Variants in IRAG1 observed in about 807,000 individuals in gnomAD.
IRAG1 encodes the protein inositol 1,4,5-triphosphate receptor associated 1, also known as IP3R-associated cGMP kinase substrate.
In IRAG1, 62 loss-of-function variants were observed where a neutral mutation model predicts 106.2. The ratio of observed to expected loss-of-function variants is 0.58; its 90% CI spans 0.48 to 0.72. The LOEUF is 0.72. Among genes scored for constraint, IRAG1 ranks in the 30% least tolerant of loss-of-function variants. The probability of loss-of-function intolerance (pLI) is 0.00; values close to 1 mark genes in which losing one functional copy is unlikely to be tolerated. For synonymous variants in IRAG1, 462 were observed against 443.9 expected (o/e 1.04, Z -0.51); for missense variants, 1,064 against 1,140.7 (o/e 0.93, Z 0.97).
intron 15 of IRAG1, among the ~76,000 whole-genome samples, chr11:10,600,171 T>G (rs2134300047): frequency 6.6e-6 from 1 of 152,326 alleles, no homozygotes; most frequent in Admixed American, 6.5e-5. Flanking sequence ...CAAGATACCA[T>G]CCCTCTTTGA....
intron 12 of IRAG1, among the ~76,000 whole-genome samples, chr11:10,605,617 T>A (rs1024358522): frequency 2.8e-4 from 42 of 152,174 alleles, no homozygotes; most frequent in African/African-American, 9.9e-4. Context: ...GAGCCAGGAT[T>A]TAACCTCAGA....
At chr11:10,686,365 C>T (rs1359401033) in intron 1 of IRAG1, among the ~76,000 whole-genome samples, 2 of 152,200 alleles carry the variant, frequency 1.3e-5, no homozygotes, top group African/African-American at 2.4e-5. Context: ...TGACTCAAGA[C>T]ACACAATGTA....
chr11:10,643,572 T>C (rs959825108), intron 2 of IRAG1, among the ~76,000 whole-genome samples: 4 of 152,220 alleles, frequency 2.6e-5, no homozygotes, highest in African/African-American at 9.6e-5. Flanking sequence ...CAGCTAGTCG[T>C]TCATCCGTCA....
chr11:10,645,130 C>T (rs1251562338), intron 2 of IRAG1, among the ~76,000 whole-genome samples: 2 of 152,116 alleles, frequency 1.3e-5, no homozygotes, highest in Non-Finnish European at 2.9e-5. Flanking sequence ...GCTCAATAAA[C>T]ATTTATTGAG....
At chr11:10,670,152 C>G (rs1255483058) in intron 1 of IRAG1, among the ~76,000 whole-genome samples, 2 of 152,216 alleles carry the variant, frequency 1.3e-5, no homozygotes, top group Non-Finnish European at 2.9e-5. Context: ...AAAACTAACC[C>G]TTAGTCCAAC....
intron 15 of IRAG1, among the ~76,000 whole-genome samples, chr11:10,596,964 A>T (rs1228602222): frequency 6.6e-6 from 1 of 152,212 alleles, no homozygotes; most frequent in African/African-American, 2.4e-5. Context: ...ACTCAGCCTA[A>T]TACTGGCCTT....
In IRAG1 at chr11:10,576,248, C is replaced by T; in HGVS notation, c.*84G>A. On this transcript the variant is annotated 3_prime_UTR_variant, in exon 21 of 21. Transcript: ENST00000423302. Reference sequence around the variant, plus strand: ...CTGATGGGATGGGCGGCAGTGTGTCCACACTTGGGCCTGACGTTATACTTG... The same window carrying T: ...CTGATGGGATGGGCGGCAGTGTGTCTACACTTGGGCCTGACGTTATACTTG... 6.4e-7 allele frequency: 1 copy of T among 1,569,546 alleles called. No homozygotes were observed. Among genetic ancestry groups the T allele is most frequent in the Non-Finnish European group, 8.7e-7 (1 of 1,152,884 alleles).
At chr11:10,583,081 A>G (rs1048033096) in intron 18 of IRAG1, among the ~76,000 whole-genome samples, 3 of 152,226 alleles carry the variant, frequency 2.0e-5, no homozygotes, top group African/African-American at 7.2e-5. Flanking sequence ...TTTGGACAAG[A>G]GACATTTGCA....
At chr11:10,691,825 T>C (rs1241935481) in intron 1 of IRAG1, among the ~76,000 whole-genome samples, 1 of 152,080 alleles carries the variant, frequency 6.6e-6, no homozygotes, top group African/African-American at 2.4e-5. Flanking sequence ...GAGCTGACCA[T>C]GGAGGTCAAG....
chr11:10,632,884 A>C (rs1435682558), intron 3 of IRAG1, among the ~76,000 whole-genome samples: 1 of 152,238 alleles, frequency 6.6e-6, no homozygotes, highest in Non-Finnish European at 1.5e-5. Context: ...CCTATTTTAT[A>C]TCTAACTTAG....
At chr11:10,604,810 T>C (rs368219982) in intron 12 of IRAG1, among the ~76,000 whole-genome samples, 1 of 152,256 alleles carries the variant, frequency 6.6e-6, no homozygotes, top group African/African-American at 2.4e-5. Flanking sequence ...AATAACACTT[T>C]GCTTTTTCCT....
chr11:10,629,899 T>C, intron 4 of IRAG1, 188 bp from the exon 5 acceptor site: 1 of 598,272 alleles, frequency 1.7e-6, no homozygotes, highest in East Asian at 2.9e-5. Context: ...CTGGCCCCTA[T>C]GGCTTATGGC....
At chr11:10,620,501 A>T (rs1429209707) in intron 10 of IRAG1, among the ~76,000 whole-genome samples, 3 of 152,232 alleles carry the variant, frequency 2.0e-5, no homozygotes, top group African/African-American at 7.2e-5. Flanking sequence ...GCAAAGATGT[A>T]AGAAGTTAAG....
At chr11:10,670,910 T>C (rs2135105581) in intron 1 of IRAG1, among the ~76,000 whole-genome samples, 1 of 152,346 alleles carries the variant, frequency 6.6e-6, no homozygotes, top group Non-Finnish European at 1.5e-5. Flanking sequence ...TCCTTAGAAC[T>C]GTTAGAAAAT....
chr11:10,654,110 G>A (rs1006445726), intron 1 of IRAG1, among the ~76,000 whole-genome samples: 2 of 152,100 alleles, frequency 1.3e-5, no homozygotes, highest in African/African-American at 2.4e-5. Context: ...AGGAAGAACC[G>A]GAAAGCCCTG....
At chr11:10,595,739 G>A (rs560839291) in intron 15 of IRAG1, 1 of 152,064 alleles carries the variant, frequency 6.6e-6, no homozygotes, top group Admixed American at 6.5e-5. Context: ...TACATGTGCA[G>A]GTGCATTACA....
chr11:10,591,524 C>A (rs948931575), intron 18 of IRAG1, 24 bp downstream of exon 18: 1 of 1,574,652 alleles, frequency 6.4e-7, no homozygotes, highest in Admixed American at 1.8e-5. Context: ...TCCCTGAAGC[C>A]AAGAGGAAAA....
chr11:10,609,685 C>A, intron 11 of IRAG1, 43 bp downstream of exon 11: 1 of 1,590,688 alleles, frequency 6.3e-7, no homozygotes, highest in Non-Finnish European at 8.5e-7. Context: ...AACACAGGGG[C>A]CACTCGGTAC....
At chr11:10,670,885 C>T (rs533613887) in intron 1 of IRAG1, among the ~76,000 whole-genome samples, 131 of 152,306 alleles carry the variant, frequency 8.6e-4, no homozygotes, top group Non-Finnish European at 1.6e-3. Context: ...CCTGCTGATA[C>T]CTTGATCTGG....
Sources: allele counts gnomAD v4.1 joint callset (sites outside exome capture counted in the v4.1 genomes callset), GRCh38; gene constraint gnomAD v4.1.1; transcripts MANE v1.5; gene names NCBI Gene and HGNC (gene_info 2026-07-23, HGNC 2026-07-21).